Variants in TANC1 observed in about 807,000 individuals in gnomAD.
TANC1 encodes the protein protein TANC1.
A neutral mutation model predicts 149.7 loss-of-function variants in TANC1; 77 were observed. The observed-to-expected ratio is 0.51, with a 90% CI of 0.43 to 0.62. The LOEUF is 0.62. Among genes scored for constraint, TANC1 ranks in the 20% least tolerant of loss-of-function variants. TANC1 has a pLI of 0.00. For synonymous variants in TANC1, 854 were observed against 925.0 expected (o/e 0.92, Z 1.39); for missense variants, 1,985 against 2,321.8 (o/e 0.85, Z 2.98).
rs1019103440 is a variant in TANC1, at chr2:159,039,222, C to G, written c.-15-26674C>G. 2.6e-5 allele frequency among the ~76,000 whole-genome samples: 4 copies of G among 151,968 alleles called. No individual in the cohort carries two copies. The South Asian group carries it at 6.2e-4, about 24-fold the overall frequency. On this transcript the variant is annotated intron_variant, in intron 2 of 26. Coordinates refer to ENST00000263635, the MANE Select transcript of TANC1 (RefSeq NM_033394.3). Reference sequence around the variant, plus strand: ...TCCCCTTTATCATTTTTTATTGCATCTGTTTGATTCTTCTCTTCTTTATTA... The same window carrying G: ...TCCCCTTTATCATTTTTTATTGCATGTGTTTGATTCTTCTCTTCTTTATTA...
intron 1 of TANC1, among the ~76,000 whole-genome samples, chr2:158,972,546 A>T (rs2033051862): frequency 6.6e-6 from 1 of 152,150 alleles, no homozygotes; most frequent in African/African-American, 2.4e-5. Flanking sequence ...GCAGCTTGAC[A>T]CTCATCTGGA....
intron 16 of TANC1, among the ~76,000 whole-genome samples, chr2:159,187,352 T>C (rs2057071024): frequency 6.6e-6 from 1 of 152,214 alleles, no homozygotes; most frequent in Non-Finnish European, 1.5e-5. Context: ...TTTTTAAGTG[T>C]CCTGCGTTAC....
At chr2:159,025,653 TA>T (rs1559145160) in intron 2 of TANC1, among the ~76,000 whole-genome samples, 1 of 152,210 alleles carries the variant, frequency 6.6e-6, no homozygotes, top group East Asian at 1.9e-4. Flanking sequence ...TTTAGCACAG[TA>T]AGTTTTTCAG....
chr2:159,079,202 G>A (rs1423407023), intron 3 of TANC1, among the ~76,000 whole-genome samples: 1 of 151,870 alleles, frequency 6.6e-6, no homozygotes, highest in African/African-American at 2.4e-5. Flanking sequence ...AGAAGTTGTT[G>A]TTGTTTTTTA....
intron 2 of TANC1, among the ~76,000 whole-genome samples, chr2:159,021,581 T>A (rs1235903799): frequency 6.6e-6 from 1 of 151,878 alleles, no homozygotes; most frequent in Non-Finnish European, 1.5e-5. Flanking sequence ...GCCATTGCAC[T>A]CCAGCCTGGG....
At chr2:159,130,212 A>C (rs2049937876) in intron 4 of TANC1, among the ~76,000 whole-genome samples, 1 of 152,220 alleles carries the variant, frequency 6.6e-6, no homozygotes, top group African/African-American at 2.4e-5. Context: ...CTCCTGCGTT[A>C]AAACATACCC....
chr2:159,158,977 C>G (rs2053720655), intron 7 of TANC1, among the ~76,000 whole-genome samples: 1 of 152,310 alleles, frequency 6.6e-6, no homozygotes, highest in Admixed American at 6.5e-5. Context: ...TTTGGTATCT[C>G]TGGTCCTTAG....
chr2:159,072,731 C>CT (rs928583372), intron 3 of TANC1, among the ~76,000 whole-genome samples: 11 of 151,812 alleles, frequency 7.2e-5, no homozygotes, highest in Non-Finnish European at 1.3e-4. Context: ...CTAACCTGCA[C>CT]GTTGTGCACA....
Position 159,194,289 on chromosome 2 carries a change from C to T in TANC1, c.2775C>T (p.Asn925=), listed in dbSNP as rs768318459. ...GTCTCCTGATTTTGGGAGGGGCCAA[C>T]GTGAACTACAGGACAGAAGTGTTAA... ...VSRLLILGGA[N]VNYRTEVLNN... Residue 925 remains asparagine, a synonymous_variant, in exon 17 of 27, where the codon AAC becomes AAT. Coordinates refer to ENST00000263635, the MANE Select transcript of TANC1 (RefSeq NM_033394.3). The T allele has an allele frequency of 1.5e-5, 25 of 1,614,018 alleles. No individual in the cohort carries two copies. Among genetic ancestry groups the T allele is most frequent in the African/African-American group, 2.7e-5 (2 of 74,950 alleles).
chr2:159,040,830 G>A (rs2040573515), intron 2 of TANC1, among the ~76,000 whole-genome samples: 1 of 152,284 alleles, frequency 6.6e-6, no homozygotes, highest in African/African-American at 2.4e-5. Flanking sequence ...TTCCTTTGGA[G>A]GAGAAGAGGC....
intron 4 of TANC1, among the ~76,000 whole-genome samples, chr2:159,121,064 C>T (rs2048801075): frequency 6.6e-6 from 1 of 152,204 alleles, no homozygotes; most frequent in Non-Finnish European, 1.5e-5. Context: ...CAGTTTACCA[C>T]ACCTTCCTAA....
chr2:159,140,602 T>C (rs2051250495), intron 5 of TANC1, among the ~76,000 whole-genome samples: 1 of 152,044 alleles, frequency 6.6e-6, no homozygotes, highest in Admixed American at 6.6e-5. Flanking sequence ...GAGACCTGTA[T>C]ATGGCGTGAC....
intron 3 of TANC1, among the ~76,000 whole-genome samples, chr2:159,082,333 T>G (rs2044360840): frequency 6.6e-6 from 1 of 150,970 alleles, no homozygotes; most frequent in Non-Finnish European, 1.5e-5. Context: ...GATTAAGTAT[T>G]TTGTAAATTG....
chr2:159,001,964 C>G lies in TANC1; in HGVS notation c.-16+775C>G, dbSNP rs1028587044. ...GTTGGGGATAGAGGAGCAGCTAGAC[C>G]AAAGGAATGAGAAGTCGGATGGACA... is the stretch of plus-strand genomic sequence containing the variant. On this transcript the variant is annotated intron_variant, in intron 2 of 26. Coordinates refer to ENST00000263635, the MANE Select transcript of TANC1 (RefSeq NM_033394.3). This position sits in a 1 kb window ranked among gnomAD's most constrained non-coding sequence, Gnocchi z 4.3. 1.1e-4 allele frequency among the ~76,000 whole-genome samples: 17 copies of G among 152,092 alleles called. No individual in the cohort carries two copies. Among genetic ancestry groups the G allele is most frequent in the African/African-American group, 3.9e-4 (16 of 41,420 alleles).
At chr2:159,142,437 A>C (rs555687327) in intron 5 of TANC1, among the ~76,000 whole-genome samples, 8 of 152,214 alleles carry the variant, frequency 5.3e-5, no homozygotes, top group African/African-American at 1.9e-4. Flanking sequence ...TTCACTGCCA[A>C]GTGCTGGCTT....
intron 4 of TANC1, among the ~76,000 whole-genome samples, chr2:159,102,656 C>T (rs1559264137): frequency 8.5e-6 from 1 of 117,970 alleles, no homozygotes; most frequent in African/African-American, 3.2e-5. Flanking sequence ...ATTTGTTGTC[C>T]ATTGTTTCAT....
intron 4 of TANC1, among the ~76,000 whole-genome samples, chr2:159,107,920 G>T (rs1336386359): frequency 6.6e-6 from 1 of 152,202 alleles, no homozygotes; most frequent in African/African-American, 2.4e-5. Flanking sequence ...AAGGACTGCT[G>T]TCTTGTCTTT....
intron 2 of TANC1, among the ~76,000 whole-genome samples, chr2:159,042,117 C>T (rs903794513): frequency 5.3e-5 from 8 of 152,268 alleles, no homozygotes; most frequent in Admixed American, 1.3e-4. Flanking sequence ...TCCTATTCTC[C>T]GTTCTCATCT....
At chr2:159,180,070 T>C (rs1000897219) in intron 14 of TANC1, among the ~76,000 whole-genome samples, 1 of 152,156 alleles carries the variant, frequency 6.6e-6, no homozygotes, top group Non-Finnish European at 1.5e-5. Flanking sequence ...CAAGCATTGG[T>C]GAGCCCTGGG....
Sources: gnomAD v4.1 joint callset for allele counts (sites outside exome capture counted in the v4.1 genomes callset) on GRCh38, gnomAD v4.1.1 for gene constraint, Gnocchi (gnomAD v3.1) non-coding constraint, MANE v1.5 for transcripts, NCBI Gene and HGNC (gene_info 2026-07-23, HGNC 2026-07-21) for gene names.